The following GREM2 variants were observed in gnomAD, a reference collection of about 807,000 sequenced individuals.
The protein encoded by GREM2 is gremlin 2, DAN family BMP antagonist, also known as gremlin-2.
In GREM2, 11 loss-of-function variants were observed where a neutral mutation model predicts 14.2. The ratio of observed to expected loss-of-function variants is 0.78; its 90% CI spans 0.49 to 1.28. The LOEUF is 1.28. Ranked by LOEUF, GREM2 falls within the 50% of genes most tolerant of loss-of-function variation. The probability of loss-of-function intolerance (pLI) is 0.00; values close to 1 mark genes in which losing one functional copy is unlikely to be tolerated. For synonymous variants in GREM2, 98 were observed against 97.6 expected (o/e 1.00, Z -0.02); for missense variants, 210 against 218.5 (o/e 0.96, Z 0.24).
chr1:240,600,552 C>T (rs978424454), intron 1 of GREM2, among the ~76,000 whole-genome samples: 2 of 152,038 alleles, frequency 1.3e-5, no homozygotes, highest in East Asian at 1.9e-4. Context: ...GGCACGGTCT[C>T]GGCTCACTAC....
At chr1:240,515,046 G>T (rs1214748579) in intron 1 of GREM2, among the ~76,000 whole-genome samples, 1 of 152,158 alleles carries the variant, frequency 6.6e-6, no homozygotes, top group Admixed American at 6.5e-5. Flanking sequence ...AGCCACATTA[G>T]ATAGGAAAGA....
chr1:240,520,082 A>AAAAATAAAATAAATAAAAT (rs1553273671), intron 1 of GREM2, among the ~76,000 whole-genome samples: 1 of 144,246 alleles, frequency 6.9e-6, no homozygotes, highest in Non-Finnish European at 1.5e-5. Flanking sequence ...CTCCATCCCA[A>AAAAATAAAATAAATAAAAT]AAAATAAAAT....
At chr1:240,604,919 G>A (rs1159972506) in intron 1 of GREM2, among the ~76,000 whole-genome samples, 1 of 152,206 alleles carries the variant, frequency 6.6e-6, no homozygotes, top group African/African-American at 2.4e-5. Context: ...GCCCTGGCAT[G>A]CTTATACTGG....
intron 1 of GREM2, among the ~76,000 whole-genome samples, chr1:240,560,299 T>C (rs563101254): frequency 6.6e-6 from 1 of 152,260 alleles, no homozygotes; most frequent in South Asian, 2.1e-4. Flanking sequence ...CCATGGGTGC[T>C]CAGGTGCCAG....
At chr1:240,555,301 C>T (rs552563483) in intron 1 of GREM2, among the ~76,000 whole-genome samples, 180 of 152,262 alleles carry the variant, frequency 1.2e-3, no homozygotes, top group Non-Finnish European at 1.9e-3. Flanking sequence ...GTTATTCTGC[C>T]TCCTTGGCTT....
At chr1:240,546,237 G>C (rs1189992159) in intron 1 of GREM2, among the ~76,000 whole-genome samples, 1 of 152,078 alleles carries the variant, frequency 6.6e-6, no homozygotes, top group Non-Finnish European at 1.5e-5. Context: ...TCCTTGGAAG[G>C]CTGAGGCAGG....
chr1:240,586,898 C>A (rs535989658), intron 1 of GREM2, among the ~76,000 whole-genome samples: 1 of 152,184 alleles, frequency 6.6e-6, no homozygotes, highest in African/African-American at 2.4e-5. Context: ...GTGAATTAAA[C>A]TGGAAAAACG....
chr1:240,533,468 G>A (rs1413476722), intron 1 of GREM2, among the ~76,000 whole-genome samples: 1 of 152,170 alleles, frequency 6.6e-6, no homozygotes, highest in Non-Finnish European at 1.5e-5. Flanking sequence ...TAATGTTATA[G>A]AACTCTATCC....
At chr1:240,576,800 C>CA (rs1489729329) in intron 1 of GREM2, among the ~76,000 whole-genome samples, 1 of 152,120 alleles carries the variant, frequency 6.6e-6, no homozygotes, top group Non-Finnish European at 1.5e-5. Flanking sequence ...AAATTAAACT[C>CA]AATGAGTTTA....
At chr1:240,562,407 T>G (rs912187315) in intron 1 of GREM2, among the ~76,000 whole-genome samples, 1 of 152,186 alleles carries the variant, frequency 6.6e-6, no homozygotes, top group African/African-American at 2.4e-5. Flanking sequence ...ACTTGTGAAC[T>G]TTACTAGCAG....
intron 1 of GREM2, among the ~76,000 whole-genome samples, chr1:240,548,657 A>T (rs1678785439): frequency 1.3e-5 from 2 of 152,238 alleles, no homozygotes. Flanking sequence ...AATTGCAGAT[A>T]AAGATAAAGA....
At chr1:240,507,303 T>C (rs113171649) in intron 1 of GREM2, among the ~76,000 whole-genome samples, 20 of 140,770 alleles carry the variant, frequency 1.4e-4, no homozygotes, top group African/African-American at 3.8e-4. Flanking sequence ...CTCCCTCCCT[T>C]CCTTCCTTCC....
chr1:240,601,912 CA>C (rs58182251), intron 1 of GREM2, among the ~76,000 whole-genome samples: 16,606 of 96,294 alleles, frequency 0.17, 833 homozygotes, highest in Middle Eastern at 0.29. Context: ...GAATCCATCT[CA>C]AAAAAAAAAA....
At chr1:240,534,283 A>G (rs1418905178) in intron 1 of GREM2, among the ~76,000 whole-genome samples, 4 of 152,176 alleles carry the variant, frequency 2.6e-5, no homozygotes, top group Non-Finnish European at 5.9e-5. Flanking sequence ...GAAGGCAGGG[A>G]CAAGGTCATG....
intron 1 of GREM2, among the ~76,000 whole-genome samples, chr1:240,516,326 T>C (rs9428482): frequency 0.25 from 38,117 of 151,944 alleles, 5,234 homozygotes; most frequent in East Asian, 0.47. Flanking sequence ...ACCTGCACAT[T>C]CACAGTTATG....
chr1:240,515,582 T>C (rs186551244), intron 1 of GREM2, among the ~76,000 whole-genome samples: 24 of 152,302 alleles, frequency 1.6e-4, no homozygotes, highest in Admixed American at 4.6e-4. Context: ...TGAGATTACA[T>C]GAGGTTGGAA....
At chr1:240,510,513 TG>T (rs1480608060) in intron 1 of GREM2, among the ~76,000 whole-genome samples, 2 of 150,372 alleles carry the variant, frequency 1.3e-5, no homozygotes, top group East Asian at 2.0e-4. Flanking sequence ...GGGTTTCTTG[TG>T]GGGGCAATAA....
At chr1:240,606,184 A>G (rs2102874543) in intron 1 of GREM2, among the ~76,000 whole-genome samples, 1 of 152,356 alleles carries the variant, frequency 6.6e-6, no homozygotes, top group Admixed American at 6.5e-5. Flanking sequence ...GATTCAGATC[A>G]GAAATAGTTC....
intron 1 of GREM2, among the ~76,000 whole-genome samples, chr1:240,607,808 T>A (rs193272814): frequency 6.6e-6 from 1 of 152,350 alleles, no homozygotes; most frequent in Non-Finnish European, 1.5e-5. Context: ...GTAAATTCAA[T>A]CATTTAATGA....
Sources: gnomAD v4.1 joint callset for allele counts (sites outside exome capture counted in the v4.1 genomes callset) on GRCh38, gnomAD v4.1.1 for gene constraint, MANE v1.5 for transcripts, NCBI Gene and HGNC (gene_info 2026-07-23, HGNC 2026-07-21) for gene names.